NOVA2: variants seen among roughly 807,000 people sequenced by gnomAD.
NOVA2 encodes NOVA alternative splicing regulator 2, also known as RNA-binding protein Nova-2.
In NOVA2, 9 loss-of-function variants were observed where a neutral mutation model predicts 22.5. The ratio of observed to expected loss-of-function variants is 0.40; its 90% CI spans 0.24 to 0.70. The LOEUF is 0.70. Among genes scored for constraint, NOVA2 ranks in the 30% least tolerant of loss-of-function variants. NOVA2 has a pLI of 0.38. For missense variants in NOVA2, 383 were observed against 682.8 expected (o/e 0.56, Z 4.89); for synonymous variants, 318 against 335.2 (o/e 0.95, Z 0.56).
chr19:45,953,668 G>A (rs1967960521), intron 3 of NOVA2, 112 bp downstream of exon 3: 30 of 1,353,244 alleles, frequency 2.2e-5, no homozygotes, highest in Non-Finnish European at 3.1e-5. Flanking sequence ...TGACTGATGA[G>A]ATTTTTATCA....
Position 45,940,398 on chromosome 19 carries a change from CCGGCGGCCA to C in NOVA2, c.935_943del (p.Val312_Ala314del). On this transcript the variant is annotated inframe_deletion, in exon 4 of 4. Transcript: ENST00000263257. Reference sequence around the variant, plus strand: ...GGCGGCGGCGGCTGCTGGGTTGGCCCCGGCGGCCACGGCGGCCAGGACGCCGGAAGCTGC... The same window carrying C: ...GGCGGCGGCGGCTGCTGGGTTGGCCCCGGCGGCCAGGACGCCGGAAGCTGC... 3 of 1,452,376 alleles carry C rather than the reference CCGGCGGCCA, an allele frequency of 2.1e-6. No individual in the cohort carries two copies. The highest frequency in any genetic ancestry group is 1.3e-5 in the South Asian group (1 of 77,714). 90.0% of individuals were successfully genotyped at this position (1,452,376 alleles called of 1,614,324 possible).
chr19:45,954,795 G>A (rs180845204), intron 2 of NOVA2, among the ~76,000 whole-genome samples: 15 of 152,100 alleles, frequency 9.9e-5, no homozygotes, highest in Admixed American at 9.8e-4. Context: ...TGGGATATGT[G>A]TGTGAAAGAG....
chr19:45,971,054 C>G (rs759453127), intron 1 of NOVA2, among the ~76,000 whole-genome samples: 5 of 152,140 alleles, frequency 3.3e-5, no homozygotes, highest in African/African-American at 4.8e-5. Context: ...AGCTCCATCA[C>G]TTAGAAACCG....
intron 1 of NOVA2, among the ~76,000 whole-genome samples, chr19:45,964,726 A>G (rs953337718): frequency 4.0e-5 from 6 of 151,744 alleles, no homozygotes; most frequent in African/African-American, 1.5e-4. Context: ...ACTCCTAGGT[A>G]ATTTTAAAAT....
At chr19:45,953,061 G>C (rs1426107873) in intron 3 of NOVA2, among the ~76,000 whole-genome samples, 1 of 152,242 alleles carries the variant, frequency 6.6e-6, no homozygotes, top group Non-Finnish European at 1.5e-5. Context: ...ACGGGAGCCA[G>C]CCCCGCGTTT....
At chr19:45,964,219 A>C (rs1372031696) in intron 1 of NOVA2, among the ~76,000 whole-genome samples, 1 of 121,348 alleles carries the variant, frequency 8.2e-6, no homozygotes, top group African/African-American at 3.2e-5. Flanking sequence ...CGCTCTTGTC[A>C]CCCAGGCTGC....
At chr19:45,943,451 C>T (rs1006200315) in intron 3 of NOVA2, among the ~76,000 whole-genome samples, 2 of 151,426 alleles carry the variant, frequency 1.3e-5, no homozygotes, top group South Asian at 2.1e-4. Context: ...CGGTGGCTCA[C>T]GCCTGTAATC....
At position 45,961,011 on chromosome 19, in the gene NOVA2, G is replaced by A. The variant is rs139055477; in HGVS notation, c.228C>T (p.Pro76=). The A allele has an allele frequency of 1.5e-5, 23 of 1,572,396 alleles. No individual in the cohort carries two copies. Among genetic ancestry groups the A allele is most frequent in the Admixed American group, 1.9e-5 (1 of 53,598 alleles). The change falls in exon 2 of 4, where the codon CCC becomes CCT. Residue 76 remains proline, a splice_region_variant and synonymous_variant. Coordinates refer to ENST00000263257, the MANE Select transcript of NOVA2 (RefSeq NM_002516.4). ...GCAGAGACCTGGGCCGGGGCTCACC[G>A]GGGTAGAAGTCTTTGGACTTGGAGA... is the stretch of plus-strand genomic sequence containing the variant. The part of the protein sequence containing the change: ...IKLSKSKDFY[P]GTTERVCLVQ...
intron 2 of NOVA2, among the ~76,000 whole-genome samples, chr19:45,954,453 C>T (rs1235468694): frequency 6.6e-6 from 1 of 152,140 alleles, no homozygotes; most frequent in East Asian, 1.9e-4. Context: ...GTCATGGCAA[C>T]CCCTGAAAGC....
intron 2 of NOVA2, among the ~76,000 whole-genome samples, chr19:45,960,186 G>T (rs1568669845): frequency 6.6e-6 from 1 of 152,002 alleles, no homozygotes; most frequent in Non-Finnish European, 1.5e-5. Context: ...TAGGAAAAAA[G>T]AGACACAGGA....
chr19:45,954,147 AT>A (rs1471574519), intron 2 of NOVA2, among the ~76,000 whole-genome samples: 1 of 152,116 alleles, frequency 6.6e-6, no homozygotes, highest in Non-Finnish European at 1.5e-5. Context: ...CTGTTTTATA[AT>A]CTGCACTTCA....
intron 1 of NOVA2, among the ~76,000 whole-genome samples, chr19:45,963,767 T>G (rs1420532038): frequency 1.3e-5 from 2 of 152,140 alleles, no homozygotes; most frequent in Non-Finnish European, 2.9e-5. Context: ...CCTGGCCTCG[T>G]GATCTGCCCT....
rs1967668481 is a variant in NOVA2, at chr19:45,937,288, G to A, written c.*2575C>T. On this transcript the variant is annotated 3_prime_UTR_variant, in exon 4 of 4. Coordinates refer to ENST00000263257, the MANE Select transcript of NOVA2 (RefSeq NM_002516.4). ...GGCTGATTGGGACCCAGACTCCAGT[G>A]AATGAGTTTGTAGAAAGCGGCTGCC... 6.6e-6 allele frequency: 1 copy of A among 152,230 alleles called. No individual in the cohort carries two copies. Among genetic ancestry groups the A allele is most frequent in the South Asian group, 2.1e-4 (1 of 4,834 alleles). 9.4% of individuals were successfully genotyped at this position (152,230 alleles called of 1,614,324 possible).
intron 2 of NOVA2, among the ~76,000 whole-genome samples, chr19:45,960,771 T>C (rs2146422398): frequency 6.6e-6 from 1 of 152,234 alleles, no homozygotes; most frequent in East Asian, 1.9e-4. Flanking sequence ...CAGCGCATCA[T>C]GCAAATGAGC....
At chr19:45,950,829 C>T (rs928201172) in intron 3 of NOVA2, among the ~76,000 whole-genome samples, 1 of 152,184 alleles carries the variant, frequency 6.6e-6, no homozygotes, top group African/African-American at 2.4e-5. Flanking sequence ...AATAGAGTAA[C>T]TTATCTAGGT....
In NOVA2 at chr19:45,939,909, G is replaced by T; in HGVS notation, c.1433C>A (p.Thr478Asn). 6.2e-7 allele frequency: 1 copy of T among 1,614,210 alleles called. No individual in the cohort carries two copies. The stretch of plus-strand genomic sequence containing the variant: ...TGAGGCCCTCACTCCCTGCTCGTAG[G>T]TGACCCGCTGACTGATGAGGTATTG... Reference protein sequence around the residue: ...AAQYLISQRVTYEQGVRASNP... With the variant: ...AAQYLISQRVNYEQGVRASNP... The change falls in exon 4 of 4, where the codon ACC becomes AAC. Residue 478 changes from threonine to asparagine, a missense_variant. Physicochemically the swap from Thr to Asn is moderately conservative, Grantham distance 65. Coordinates refer to ENST00000263257, the MANE Select transcript of NOVA2 (RefSeq NM_002516.4).
At position 45,964,994 on chromosome 19, in the gene NOVA2, C is replaced by T. The variant is rs1254458039; in HGVS notation, c.86-3841G>A. Among the ~76,000 whole-genome samples the T allele has an allele frequency of 5.9e-5, 9 of 152,210 alleles. No homozygotes were observed. The East Asian group carries it at 1.4e-3, about 23-fold the overall frequency. On this transcript the variant is annotated intron_variant, in intron 1 of 3. Transcript: ENST00000263257. ...ATTAAGGAGTTTCCTGACACCAAGG[C>T]AATCCTCTTAAACTTGCTTAATCAG...
chr19:45,954,263 TCTC>T (rs941552046), intron 2 of NOVA2, among the ~76,000 whole-genome samples: 2 of 152,210 alleles, frequency 1.3e-5, no homozygotes, highest in Admixed American at 1.3e-4. Context: ...AGCTGCCTCT[TCTC>T]AGTTCTTGCG....
chr19:45,969,271 G>A (rs1306193295), intron 1 of NOVA2, among the ~76,000 whole-genome samples: 1 of 152,112 alleles, frequency 6.6e-6, no homozygotes, highest in African/African-American at 2.4e-5. Flanking sequence ...TTGAGAGGAT[G>A]AAGTGGGTGG....
Sources: allele counts gnomAD v4.1 joint callset (sites outside exome capture counted in the v4.1 genomes callset), GRCh38; gene constraint gnomAD v4.1.1; transcripts MANE v1.5; gene names NCBI Gene and HGNC (gene_info 2026-07-23, HGNC 2026-07-21).